LRBA: variants seen among roughly 807,000 people sequenced by gnomAD.
LRBA encodes LPS responsive beige-like anchor protein.
Under a neutral mutation model 330.0 loss-of-function variants are expected in LRBA, and 176 were observed. The ratio of observed to expected loss-of-function variants is 0.53; its 90% CI spans 0.47 to 0.60. LRBA has a LOEUF of 0.60. Among genes scored for constraint, LRBA ranks in the 20% least tolerant of loss-of-function variants. LRBA has a pLI of 0.00. For synonymous variants in LRBA, 1,230 were observed against 1,193.0 expected (o/e 1.03, Z -0.64); for missense variants, 3,259 against 3,444.8 (o/e 0.95, Z 1.35).
intron 43 of LRBA, among the ~76,000 whole-genome samples, chr4:150,469,577 C>T (rs1414489357): frequency 2.6e-5 from 4 of 152,140 alleles, no homozygotes; most frequent in Non-Finnish European, 4.4e-5. Context: ...GTCACTAGTT[C>T]TATAATTTCT....
intron 47 of LRBA, among the ~76,000 whole-genome samples, chr4:150,375,605 C>T (rs527914330): frequency 1.0e-4 from 15 of 148,084 alleles, no homozygotes; most frequent in South Asian, 4.4e-4. Context: ...ATTACAGGTG[C>T]GCACCACCAC....
At chr4:150,854,958 C>G (rs966723180) in intron 22 of LRBA, among the ~76,000 whole-genome samples, 1 of 151,826 alleles carries the variant, frequency 6.6e-6, no homozygotes, top group Non-Finnish European at 1.5e-5. Flanking sequence ...ATCTGATTTC[C>G]CTTTTTAAAA....
chr4:150,320,217 G>T (rs1561008469), intron 50 of LRBA, among the ~76,000 whole-genome samples: 1 of 152,116 alleles, frequency 6.6e-6, no homozygotes, highest in Non-Finnish European at 1.5e-5. Flanking sequence ...CATATTTGAT[G>T]CAGAATAAGG....
At chr4:150,581,163 T>A (rs1771279669) in intron 40 of LRBA, 1 of 202,964 alleles carries the variant, frequency 4.9e-6, no homozygotes, top group Admixed American at 5.7e-5. Flanking sequence ...CTCTCGTAAC[T>A]AGTTAATTCT....
intron 40 of LRBA, among the ~76,000 whole-genome samples, chr4:150,496,049 A>G (rs1759555671): frequency 6.6e-6 from 1 of 152,206 alleles, no homozygotes; most frequent in Non-Finnish European, 1.5e-5. Context: ...TATTGAATAC[A>G]TAGATTATAT....
intron 37 of LRBA, among the ~76,000 whole-genome samples, chr4:150,653,199 A>C (rs551535520): frequency 6.6e-6 from 1 of 152,114 alleles, no homozygotes; most frequent in Admixed American, 6.6e-5. Flanking sequence ...ACTTTCTCTC[A>C]TCAATGTGGT....
At chr4:150,319,819 G>C (rs1732240877) in intron 50 of LRBA, among the ~76,000 whole-genome samples, 1 of 152,074 alleles carries the variant, frequency 6.6e-6, no homozygotes, top group Admixed American at 6.6e-5. Flanking sequence ...GTTTTTGTTT[G>C]AATGTCAATT....
intron 52 of LRBA, among the ~76,000 whole-genome samples, chr4:150,307,318 G>A (rs903919176): frequency 1.3e-5 from 2 of 151,922 alleles, no homozygotes; most frequent in South Asian, 2.1e-4. Flanking sequence ...ATTTGGGGGC[G>A]CTCTGCACCT....
At chr4:150,618,799 A>G (rs1310376129) in intron 37 of LRBA, among the ~76,000 whole-genome samples, 1 of 151,294 alleles carries the variant, frequency 6.6e-6, no homozygotes, top group African/African-American at 2.4e-5. Context: ...ATTATGTAGT[A>G]AATTCACAAT....
chr4:150,587,657 G>A (rs1455885197), intron 40 of LRBA, among the ~76,000 whole-genome samples: 13 of 152,108 alleles, frequency 8.5e-5, no homozygotes, highest in Non-Finnish European at 1.9e-4. Context: ...AAAGCAAGGA[G>A]AGTGATATAT....
At chr4:150,775,916 G>A (rs1009006971) in intron 34 of LRBA, among the ~76,000 whole-genome samples, 3 of 149,700 alleles carry the variant, frequency 2.0e-5, no homozygotes, top group African/African-American at 7.4e-5. Flanking sequence ...AGAGAGAGGA[G>A]GGCAGAAGAG....
chr4:150,830,476 C>T (rs1433936906), intron 29 of LRBA, among the ~76,000 whole-genome samples: 3 of 152,168 alleles, frequency 2.0e-5, no homozygotes. Context: ...TTTAGTCAGT[C>T]AGTCTCAGCT....
chr4:150,719,398 C>T (rs1473065590), intron 36 of LRBA, among the ~76,000 whole-genome samples: 1 of 152,036 alleles, frequency 6.6e-6, no homozygotes, highest in African/African-American at 2.4e-5. Flanking sequence ...TTAGAAAGTA[C>T]ACTAAGAAAT....
intron 40 of LRBA, 75 bp downstream of exon 40, chr4:150,587,973 T>G (rs1348984900): frequency 2.7e-6 from 4 of 1,459,442 alleles, no homozygotes; most frequent in Non-Finnish European, 3.7e-6. Flanking sequence ...CCTGTCAGAT[T>G]TACCAATCCC....
chr4:150,470,876 C>CACACACACACACACACACACCA lies in LRBA; in HGVS notation c.6667+747_6667+748insTGGTGTGTGTGTGTGTGTGTGT, dbSNP rs1554034850. Among the ~76,000 whole-genome samples, 737 of 143,768 alleles carry CACACACACACACACACACACCA rather than the reference C, an allele frequency of 5.1e-3. 4 individuals carry two copies. The highest frequency in any genetic ancestry group is 7.7e-3 in the Non-Finnish European group (505 of 65,714). The allele number at this position is 143,768 out of a possible 152,430, so 94.3% of individuals were successfully genotyped here. On this transcript the variant is annotated intron_variant, in intron 43 of 56. Transcript: ENST00000651943. ...ACACACACACACACACACACACACA[C>CACACACACACACACACACACCA]CACACACTAAATTACTTCCTAACTT...
chr4:150,582,919 G>GAGA, intron 40 of LRBA: 1 of 1,300,592 alleles, frequency 7.7e-7, no homozygotes, highest in Admixed American at 2.3e-5. Context: ...AGGGCTTAAC[G>GAGA]GGGAGCGCAC....
rs70941427 is a variant in LRBA at position 150,690,927 on chromosome 4, C to CT, written c.5755-7211dup. ...TTTATCAAAATTTAAAACACCTGGTCTTTTTTTTTTTTTTTTTTTTTAGAC... is the reference window on the plus strand; with the variant it reads ...TTTATCAAAATTTAAAACACCTGGTCTTTTTTTTTTTTTTTTTTTTTTAGAC... On this transcript the variant is annotated intron_variant, in intron 36 of 56. Transcript: ENST00000651943. 2.3e-3 allele frequency among the ~76,000 whole-genome samples: 245 copies of CT among 106,294 alleles called. 2 individuals are homozygous for CT. Among genetic ancestry groups the CT allele is most frequent in the Admixed American group, 0.018 (175 of 9,852 alleles). 69.7% of individuals were successfully genotyped at this position (106,294 alleles called of 152,430 possible).
chr4:150,459,551 C>A (rs1313076532), intron 44 of LRBA, among the ~76,000 whole-genome samples: 3 of 151,812 alleles, frequency 2.0e-5, no homozygotes, highest in Non-Finnish European at 2.9e-5. Flanking sequence ...AAAATAAAGA[C>A]AATAACACAT....
intron 28 of LRBA, among the ~76,000 whole-genome samples, chr4:150,835,397 G>C (rs571420731): frequency 1.8e-4 from 27 of 152,296 alleles, no homozygotes; most frequent in African/African-American, 6.5e-4. Context: ...ACCTTGGGCA[G>C]TATGGCCATT....
Sources: allele counts gnomAD v4.1 joint callset (sites outside exome capture counted in the v4.1 genomes callset), GRCh38; gene constraint gnomAD v4.1.1; transcripts MANE v1.5; gene names NCBI Gene and HGNC (gene_info 2026-07-23, HGNC 2026-07-21).